UGT2B7: variants seen among roughly 807,000 people sequenced by gnomAD.
UGT2B7 encodes UDP-glucuronosyltransferase 2B7.
In UGT2B7, 51 loss-of-function variants were observed where a neutral mutation model predicts 51.9. The ratio of observed to expected loss-of-function variants is 0.98; its 90% CI spans 0.78 to 1.24. The LOEUF (loss-of-function observed/expected upper bound fraction) is 1.24. UGT2B7 is among the 50% of genes most tolerant of loss of function. UGT2B7 has a pLI of 0.00. For missense variants in UGT2B7, 727 were observed against 628.4 expected (o/e 1.16, Z -1.68); for synonymous variants, 225 against 211.6 (o/e 1.06, Z -0.55).
At chr4:69,091,683 C>T (rs1216912968), upstream of UGT2B7, among the ~76,000 whole-genome samples, 1 of 152,162 alleles carries the variant, frequency 6.6e-6, no homozygotes, top group Non-Finnish European at 1.5e-5. Flanking sequence ...TATTCTGCAC[C>T]TGCAGCTCTG....
At chr4:69,080,750 T>C (rs1266773957) in intron 1 of UGT2B7, among the ~76,000 whole-genome samples, 1 of 152,112 alleles carries the variant, frequency 6.6e-6, no homozygotes. Flanking sequence ...GTACTAAACA[T>C]TCTTCTTTAC....
At chr4:69,069,019 A>T (rs1325920048) in intron 1 of UGT2B7, among the ~76,000 whole-genome samples, 1 of 151,864 alleles carries the variant, frequency 6.6e-6, no homozygotes, top group Non-Finnish European at 1.5e-5. Flanking sequence ...GAATCATTAC[A>T]TTACTACTCA....
chr4:69,056,357 G>T (rs1022552507), intron 1 of UGT2B7, among the ~76,000 whole-genome samples: 1 of 152,190 alleles, frequency 6.6e-6, no homozygotes, highest in Non-Finnish European at 1.5e-5. Flanking sequence ...ATCAAGCCTT[G>T]ACTGTTCTTG....
rs769286636 is a variant in UGT2B7 at position 69,102,911 on chromosome 4, A to G, written c.975A>G (p.Ala325=). The change falls in exon 3 of 6, where the codon GCA becomes GCG. Residue 325 remains alanine (A), a synonymous_variant. Coordinates refer to ENST00000305231, the MANE Select transcript of UGT2B7 (RefSeq NM_001074.4). ...CAGAAGAAAGGGCCAACGTAATTGC[A>G]TCAGCCCTGGCCCAGATCCCACAAA... ...NMTEERANVI[A]SALAQIPQKV... is the part of the protein sequence containing the mutation. The G allele has an allele frequency of 5.6e-6, 9 of 1,613,606 alleles. No homozygotes were observed. The highest frequency in any genetic ancestry group is 7.6e-6 in the Non-Finnish European group (9 of 1,179,648).
intron 1 of UGT2B7, among the ~76,000 whole-genome samples, chr4:69,085,132 T>C (rs997124054): frequency 4.6e-5 from 7 of 152,280 alleles, no homozygotes; most frequent in African/African-American, 1.7e-4. Context: ...CCAGCATCAG[T>C]TGTTTCCTCA....
intron 1 of UGT2B7, among the ~76,000 whole-genome samples, chr4:69,075,971 TC>T (rs1412944224): frequency 1.3e-5 from 2 of 151,408 alleles, no homozygotes; most frequent in Non-Finnish European, 2.9e-5. Flanking sequence ...GATGTTCCCC[TC>T]CCTGTGTCCA....
At chr4:69,074,446 A>AT (rs1273955453) in intron 1 of UGT2B7, among the ~76,000 whole-genome samples, 13 of 147,066 alleles carry the variant, frequency 8.8e-5, no homozygotes, top group African/African-American at 3.1e-4. Flanking sequence ...ATATATATAT[A>AT]AATTAAAAAT....
chr4:69,053,635 C>T (rs1718100727), intron 1 of UGT2B7, among the ~76,000 whole-genome samples: 1 of 152,192 alleles, frequency 6.6e-6, no homozygotes, highest in South Asian at 2.1e-4. Flanking sequence ...GTGGGTCAGC[C>T]TCCGAGGGCC....
Position 69,108,270 on chromosome 4 carries a change from A to G in UGT2B7, c.1258A>G (p.Met420Val), listed in dbSNP as rs148274136. Residue 420 changes from methionine (M) to valine (V), a missense_variant, in exon 5 of 6, where the codon ATG (methionine) becomes GTG (valine). Met to Val is a conservative substitution (Grantham distance 21, BLOSUM62 1). Coordinates refer to ENST00000305231, the MANE Select transcript of UGT2B7 (RefSeq NM_001074.4). ...GAAVRVDFNT[M>V]SSTDLLNALK... is the part of the protein sequence containing the mutation. The stretch of plus-strand genomic sequence containing the variant: ...AGCTGTTAGAGTGGACTTCAACACA[A>G]TGTCGAGTACAGACTTGCTGAATGC... 152 of 1,613,644 alleles carry G rather than the reference A, an allele frequency of 9.4e-5. No individual in the cohort carries two copies. The highest frequency in any genetic ancestry group is 1.6e-4 in the African/African-American group (12 of 75,028).
intron 5 of UGT2B7, among the ~76,000 whole-genome samples, 162 bp downstream of exon 5, chr4:69,108,484 T>C (rs141534478): frequency 3.2e-3 from 483 of 152,112 alleles, no homozygotes; most frequent in Non-Finnish European, 5.5e-3. Flanking sequence ...TATTTAAAAA[T>C]TGAATTTGAA....
chr4:69,087,211 T>C (rs1718982178), intron 1 of UGT2B7, among the ~76,000 whole-genome samples: 1 of 151,940 alleles, frequency 6.6e-6, no homozygotes. Context: ...TTTGTGTTTG[T>C]TGTGTCTAAG....
chr4:69,098,828 A>C, intron 2 of UGT2B7, 140 bp downstream of exon 2: 1 of 1,391,448 alleles, frequency 7.2e-7, no homozygotes, highest in South Asian at 1.4e-5. Context: ...CCAATTAGAA[A>C]CTCATGTGCA....
intron 1 of UGT2B7, among the ~76,000 whole-genome samples, chr4:69,084,823 T>G (rs1487588975): frequency 6.6e-6 from 1 of 152,204 alleles, no homozygotes; most frequent in Non-Finnish European, 1.5e-5. Flanking sequence ...ATGCATAGTA[T>G]TTCATGGTAT....
chr4:69,085,471 A>G (rs1344037770), intron 1 of UGT2B7, among the ~76,000 whole-genome samples: 1 of 152,122 alleles, frequency 6.6e-6, no homozygotes, highest in African/African-American at 2.4e-5. Flanking sequence ...TAGTTTAATT[A>G]GATCCCATTT....
chr4:69,097,298 CA>C, intron 1 of UGT2B7, 57 bp downstream of exon 1: 4 of 1,562,540 alleles, frequency 2.6e-6, no homozygotes, highest in Non-Finnish European at 3.4e-6. Context: ...GTCTTTGAAG[CA>C]GAGCTTATAT....
Position 69,097,173 on chromosome 4 carries a change from T to A in UGT2B7, c.653T>A (p.Leu218His). Residue 218 changes from leucine to histidine, a missense_variant, in exon 1 of 6, where the codon CTT becomes CAT. By Grantham distance (99) the Leu-to-His change is moderately conservative (BLOSUM62 -3). Transcript: ENST00000305231. The stretch of plus-strand genomic sequence containing the variant: ...AGGGTAAAAAATATGATCTATGTGC[T>A]TTACTTTGACTTTTGGTTCGAAATA... Reference protein sequence around the residue: ...MERVKNMIYVLYFDFWFEIFD... With the variant: ...MERVKNMIYVHYFDFWFEIFD... 6.2e-7 allele frequency: 1 copy of A among 1,613,142 alleles called. No individual in the cohort carries two copies. The highest frequency in any genetic ancestry group is 1.7e-5 in the Admixed American group (1 of 59,840).
At chr4:69,074,508 T>C (rs1023705860) in intron 1 of UGT2B7, among the ~76,000 whole-genome samples, 25 of 150,166 alleles carry the variant, frequency 1.7e-4, no homozygotes, top group Admixed American at 1.4e-3. Flanking sequence ...GGTGAAAATC[T>C]TCCAACTGCG....
At position 69,112,537 on chromosome 4, in the gene UGT2B7, T is replaced by A. The variant is rs535790565; in HGVS notation, c.1391T>A (p.Ile464Asn). 2.5e-6 allele frequency: 4 copies of A among 1,613,956 alleles called. No individual in the cohort carries two copies. Among genetic ancestry groups the A allele is most frequent in the African/African-American group, 1.3e-5 (1 of 75,034 alleles). The change falls in exon 6 of 6, where the codon ATT becomes AAT. Residue 464 changes from isoleucine (I) to asparagine (N), a missense_variant. Coordinates refer to ENST00000305231, the MANE Select transcript of UGT2B7 (RefSeq NM_001074.4). Reference sequence around the variant, plus strand: ...CCCCTGGATCGAGCAGTCTTCTGGATTGAATTTGTCATGCGCCACAAAGGA... The same window carrying A: ...CCCCTGGATCGAGCAGTCTTCTGGAATGAATTTGTCATGCGCCACAAAGGA... ...VKPLDRAVFW[I>N]EFVMRHKGAK... is the part of the protein sequence containing the mutation.
chr4:69,091,680 C>T (rs918722454), upstream of UGT2B7, among the ~76,000 whole-genome samples: 2 of 152,172 alleles, frequency 1.3e-5, no homozygotes, highest in African/African-American at 4.8e-5. Flanking sequence ...AAGTATTCTG[C>T]ACCTGCAGCT....
Sources: allele counts gnomAD v4.1 joint callset (sites outside exome capture counted in the v4.1 genomes callset), GRCh38; gene constraint gnomAD v4.1.1; transcripts MANE v1.5; gene names NCBI Gene and HGNC (gene_info 2026-07-23, HGNC 2026-07-21).